The following MCPH1 variants were observed in gnomAD, a reference collection of about 807,000 sequenced individuals.
The protein encoded by MCPH1 is microcephalin.
Under a neutral mutation model 84.5 loss-of-function variants are expected in MCPH1, and 104 were observed. That is an observed-to-expected ratio of 1.23 (90% CI 1.05 to 1.45). The LOEUF is 1.45. MCPH1 is among the 40% of genes most tolerant of loss of function. The pLI, the probability that MCPH1 is intolerant of heterozygous loss-of-function variation, is 0.00. For missense variants in MCPH1, 1,498 were observed against 1,005.7 expected (o/e 1.49, Z -6.62); for synonymous variants, 514 against 366.8 (o/e 1.40, Z -4.58).
At chr8:6,431,712 T>C (rs1436889943) in intron 4 of MCPH1, 126 bp downstream of exon 4, 4 of 656,314 alleles carry the variant, frequency 6.1e-6, no homozygotes, top group East Asian at 5.5e-5. Context: ...ATTGATGATA[T>C]TGTTCTTTTC....
chr8:6,564,871 C>T (rs1261996217), intron 12 of MCPH1, among the ~76,000 whole-genome samples: 1 of 152,156 alleles, frequency 6.6e-6, no homozygotes. Context: ...AATAAAGTAG[C>T]ATGTGTCTTC....
At chr8:6,554,096 C>A (rs577762458) in intron 12 of MCPH1, among the ~76,000 whole-genome samples, 2 of 149,510 alleles carry the variant, frequency 1.3e-5, no homozygotes, top group African/African-American at 5.0e-5. Context: ...GTACTTCAGA[C>A]AGGGAGATAT....
chr8:6,483,413 C>T (rs758688783), intron 11 of MCPH1, among the ~76,000 whole-genome samples: 2 of 152,210 alleles, frequency 1.3e-5, no homozygotes, highest in African/African-American at 4.8e-5. Flanking sequence ...GCACTACCTG[C>T]TTTTGGGGCA....
At chr8:6,495,645 T>G (rs1811140839) in intron 11 of MCPH1, among the ~76,000 whole-genome samples, 1 of 152,184 alleles carries the variant, frequency 6.6e-6, no homozygotes, top group Non-Finnish European at 1.5e-5. Context: ...ACGCTTATAA[T>G]AAATAATGTG....
intron 3 of MCPH1, among the ~76,000 whole-genome samples, chr8:6,415,930 A>G (rs1799221747): frequency 6.6e-6 from 1 of 152,208 alleles, no homozygotes; most frequent in African/African-American, 2.4e-5. Flanking sequence ...CTTTCAGTCC[A>G]TGAAAATGGG....
At position 6,445,230 on chromosome 8, in the gene MCPH1, CT is replaced by C. The variant is rs1804131954; in HGVS notation, c.1509del (p.Glu504LysfsTer4). The C allele has an allele frequency of 6.2e-7, 1 of 1,614,238 alleles. No homozygotes were observed. The highest frequency in any genetic ancestry group is 2.2e-5 in the East Asian group (1 of 44,888). ...ACTTCGAGTTGCGTGACTTCTGCCCCTGAAGAAGCCCTAAGGTGTTGTAGAC... is the reference window on the plus strand; with the variant it reads ...ACTTCGAGTTGCGTGACTTCTGCCCCGAAGAAGCCCTAAGGTGTTGTAGAC... ...RATSSCVTSA[P>X]EEALRCCRQA... On this transcript the variant is annotated frameshift_variant, in exon 8 of 14. Transcript: ENST00000344683. LOFTEE classifies it high-confidence loss of function.
intron 12 of MCPH1, among the ~76,000 whole-genome samples, chr8:6,510,834 C>A (rs925035822): frequency 6.6e-6 from 1 of 152,170 alleles, no homozygotes; most frequent in African/African-American, 2.4e-5. Context: ...TAAGGCAGCC[C>A]TAGAAACTTC....
At chr8:6,535,892 C>CAA (rs373792367) in intron 12 of MCPH1, among the ~76,000 whole-genome samples, 4 of 130,832 alleles carry the variant, frequency 3.1e-5, no homozygotes, top group African/African-American at 8.7e-5. Flanking sequence ...ACAAAAAATA[C>CAA]AAAAAAAAAA....
intron 9 of MCPH1, among the ~76,000 whole-genome samples, chr8:6,455,966 G>C (rs1006379814): frequency 1.3e-5 from 2 of 152,112 alleles, no homozygotes; most frequent in Admixed American, 6.6e-5. Flanking sequence ...GTCTGCATGG[G>C]GCTTCCAGGT....
In MCPH1 at chr8:6,647,928, A is replaced by ATTT. The variant is rs1563238027; in HGVS notation, c.*4879_*4880insTTT. On this transcript the variant is annotated 3_prime_UTR_variant, in exon 14 of 14. Coordinates refer to ENST00000344683, the MANE Select transcript of MCPH1 (RefSeq NM_024596.5). ...TACACCAATAAAGCTATTTTTTTTAAAAAAAAGAGAGAGAGAGAACGAGAG... is the reference window on the plus strand; with the variant it reads ...TACACCAATAAAGCTATTTTTTTTAATTTAAAAAAGAGAGAGAGAGAACGAGAG... 2.4e-3 allele frequency: 325 copies of ATTT among 135,268 alleles called. 1 individual carries two copies. The highest frequency in any genetic ancestry group is 0.021 in the Middle Eastern group (5 of 242). 8.4% of individuals were successfully genotyped at this position (135,268 alleles called of 1,614,324 possible). A position where few individuals can be genotyped will look rare whatever the true frequency, so the allele number is the denominator to read the frequency against.
chr8:6,619,678 G>C (rs181808724), intron 12 of MCPH1, among the ~76,000 whole-genome samples: 1 of 149,824 alleles, frequency 6.7e-6, no homozygotes, highest in African/African-American at 2.5e-5. Flanking sequence ...TCCACCTCCC[G>C]GGTTCACACC....
Position 6,647,772 on chromosome 8 carries a change from G to A in MCPH1, c.*4723G>A, listed in dbSNP as rs746335768. On this transcript the variant is annotated 3_prime_UTR_variant, in exon 14 of 14. Coordinates refer to ENST00000344683, the MANE Select transcript of MCPH1 (RefSeq NM_024596.5). ...GCAGCTGGGGATGGGAGTGGGAACA[G>A]AGAGCAAACATTTTGGGATGATGGA... 1 of 152,240 alleles carries A rather than the reference G, an allele frequency of 6.6e-6. No individual in the cohort carries two copies. The highest frequency in any genetic ancestry group is 6.5e-5 in the Admixed American group (1 of 15,284). The allele number at this position is 152,240 out of a possible 1,614,324, so 9.4% of individuals were successfully genotyped here.
chr8:6,580,055 T>C (rs1280203860), intron 12 of MCPH1, among the ~76,000 whole-genome samples: 7 of 152,190 alleles, frequency 4.6e-5, no homozygotes, highest in Non-Finnish European at 1.0e-4. Flanking sequence ...CCAGCTCTCA[T>C]TGACTCAGTC....
chr8:6,475,721 G>A (rs947741848), intron 9 of MCPH1, among the ~76,000 whole-genome samples: 1 of 152,156 alleles, frequency 6.6e-6, no homozygotes, highest in South Asian at 2.1e-4. Context: ...TTTACTGGGG[G>A]CCAGGGCATT....
intron 12 of MCPH1, among the ~76,000 whole-genome samples, chr8:6,543,999 T>G (rs1239062184): frequency 6.6e-6 from 1 of 152,208 alleles, no homozygotes; most frequent in Non-Finnish European, 1.5e-5. Flanking sequence ...TTAACCTTGT[T>G]TTAGATCTGA....
intron 12 of MCPH1, among the ~76,000 whole-genome samples, chr8:6,603,340 G>C (rs896947528): frequency 6.6e-6 from 1 of 152,124 alleles, no homozygotes; most frequent in African/African-American, 2.4e-5. Context: ...GGGCATGAGT[G>C]AACTTTTCGG....
intron 12 of MCPH1, among the ~76,000 whole-genome samples, chr8:6,531,106 T>C (rs548608953): frequency 5.3e-5 from 8 of 151,734 alleles, no homozygotes; most frequent in African/African-American, 1.9e-4. Context: ...CCGCCGAGAG[T>C]CACGACCACG....
At chr8:6,421,037 CT>C (rs1231570249) in intron 3 of MCPH1, among the ~76,000 whole-genome samples, 2 of 152,194 alleles carry the variant, frequency 1.3e-5, no homozygotes, top group Non-Finnish European at 2.9e-5. Context: ...TAGGCTCGCC[CT>C]TTTCCGCAGT....
At chr8:6,470,753 C>T (rs557894929) in intron 9 of MCPH1, among the ~76,000 whole-genome samples, 4 of 152,238 alleles carry the variant, frequency 2.6e-5, no homozygotes, top group Non-Finnish European at 4.4e-5. Flanking sequence ...GAATCAGAGG[C>T]TGTACTTCAC....
Sources: gnomAD v4.1 joint callset for allele counts (sites outside exome capture counted in the v4.1 genomes callset) on GRCh38, gnomAD v4.1.1 for gene constraint, MANE v1.5 for transcripts, NCBI Gene and HGNC (gene_info 2026-07-23, HGNC 2026-07-21) for gene names.